The following DPP10 variants were observed in gnomAD, a reference collection of about 807,000 sequenced individuals.
DPP10 encodes dipeptidyl peptidase like 10.
Under a neutral mutation model 120.9 loss-of-function variants are expected in DPP10, and 33 were observed. The ratio of observed to expected loss-of-function variants is 0.27; its 90% CI spans 0.21 to 0.37. DPP10 has a LOEUF of 0.37. Ranked by LOEUF, DPP10 falls within the 10% of genes least tolerant of loss-of-function variation. The pLI, the probability that DPP10 is intolerant of heterozygous loss-of-function variation, is 1.00. For synonymous variants in DPP10, 337 were observed against 326.1 expected (o/e 1.03, Z -0.36); for missense variants, 816 against 942.8 (o/e 0.87, Z 1.76).
intron 1 of DPP10, among the ~76,000 whole-genome samples, chr2:115,021,550 C>T (rs757134325): frequency 6.6e-6 from 1 of 151,942 alleles, no homozygotes; most frequent in Non-Finnish European, 1.5e-5. Flanking sequence ...CTGTATGTGA[C>T]CAGATGGATT....
chr2:115,663,453 T>C (rs2089177416), intron 5 of DPP10, among the ~76,000 whole-genome samples: 1 of 152,184 alleles, frequency 6.6e-6, no homozygotes, highest in African/African-American at 2.4e-5. Flanking sequence ...CTTTTTTCTG[T>C]CAAGGAAGAC....
At chr2:115,655,338 T>C (rs1220507669) in intron 5 of DPP10, among the ~76,000 whole-genome samples, 1 of 151,746 alleles carries the variant, frequency 6.6e-6, no homozygotes, top group Non-Finnish European at 1.5e-5. Flanking sequence ...ATTGCTTTGA[T>C]GCTGTATGTC....
At chr2:114,987,804 C>CTTTTTTTTTTTTT (rs59203543) in intron 1 of DPP10, among the ~76,000 whole-genome samples, 2,109 of 100,962 alleles carry the variant, frequency 0.021, 405 homozygotes, top group African/African-American at 0.068. Flanking sequence ...TGGAGACTGT[C>CTTTTTTTTTTTTT]TTTTTTTTTT....
intron 1 of DPP10, among the ~76,000 whole-genome samples, chr2:115,187,736 T>C (rs1309684586): frequency 1.3e-5 from 2 of 152,080 alleles, no homozygotes; most frequent in Non-Finnish European, 2.9e-5. Flanking sequence ...GTGTGGTGGC[T>C]CTCGCCTGTC....
chr2:115,760,775 T>C (rs750003299), intron 11 of DPP10, among the ~76,000 whole-genome samples: 60 of 152,186 alleles, frequency 3.9e-4, no homozygotes, highest in Non-Finnish European at 6.9e-4. Flanking sequence ...GGATGGTTTT[T>C]ATTCGGCTGA....
chr2:115,531,075 C>G (rs922657301), intron 5 of DPP10, among the ~76,000 whole-genome samples: 1 of 151,918 alleles, frequency 6.6e-6, no homozygotes, highest in Non-Finnish European at 1.5e-5. Context: ...TAACACACAA[C>G]AGTAGTTGGT....
intron 17 of DPP10, among the ~76,000 whole-genome samples, chr2:115,788,047 T>C (rs979207728): frequency 1.6e-4 from 24 of 152,088 alleles, no homozygotes; most frequent in African/African-American, 5.8e-4. Flanking sequence ...ATAAAAGAAG[T>C]GAGAACGTTC....
intron 3 of DPP10, among the ~76,000 whole-genome samples, chr2:115,417,980 CAATATGTGTG>C (rs1250583891): frequency 1.3e-5 from 2 of 152,048 alleles, no homozygotes; most frequent in African/African-American, 4.8e-5. Context: ...TTGTCTTCCC[CAATATGTGTG>C]AGTTGGCTTT....
intron 13 of DPP10, among the ~76,000 whole-genome samples, chr2:115,773,598 A>G (rs895635412): frequency 6.6e-6 from 1 of 152,112 alleles, no homozygotes; most frequent in African/African-American, 2.4e-5. Context: ...TTTCTATTCT[A>G]CCAAGTTAAT....
intron 1 of DPP10, chr2:114,461,560 C>T (rs1317258969): frequency 1.0e-6 from 1 of 983,386 alleles, no homozygotes; most frequent in Non-Finnish European, 1.2e-6. Context: ...TTTTCTAAGA[C>T]CAGCCTCCTC....
chr2:115,571,766 A>T (rs1211492854), intron 5 of DPP10, among the ~76,000 whole-genome samples: 1 of 151,982 alleles, frequency 6.6e-6, no homozygotes, highest in Non-Finnish European at 1.5e-5. Context: ...AAAAATATTA[A>T]AAGAACAAAA....
intron 19 of DPP10, among the ~76,000 whole-genome samples, chr2:115,807,348 G>T (rs1164493132): frequency 2.0e-5 from 3 of 152,106 alleles, no homozygotes; most frequent in Non-Finnish European, 4.4e-5. Context: ...TTTATCCTGA[G>T]GTTAATTTTG....
At chr2:115,197,223 C>T (rs1402879380) in intron 1 of DPP10, among the ~76,000 whole-genome samples, 1 of 152,024 alleles carries the variant, frequency 6.6e-6, no homozygotes, top group East Asian at 1.9e-4. Flanking sequence ...GAAACCCCAT[C>T]TCTACTAAAA....
chr2:115,798,939 G>T (rs151177365), intron 19 of DPP10, among the ~76,000 whole-genome samples: 285 of 151,940 alleles, frequency 1.9e-3, no homozygotes, highest in African/African-American at 6.7e-3. Context: ...CACTATCTGA[G>T]TCCATGTCTT....
intron 3 of DPP10, among the ~76,000 whole-genome samples, chr2:115,383,725 T>G (rs1251432041): frequency 6.6e-6 from 1 of 152,152 alleles, no homozygotes; most frequent in African/African-American, 2.4e-5. Flanking sequence ...CTTATGCATT[T>G]AAATATATTT....
chr2:115,651,910 A>G (rs958687263), intron 5 of DPP10, among the ~76,000 whole-genome samples: 2 of 152,072 alleles, frequency 1.3e-5, no homozygotes. Flanking sequence ...TGTTAACTAT[A>G]AAATATAATG....
At chr2:115,395,123 T>C (rs966017508) in intron 3 of DPP10, among the ~76,000 whole-genome samples, 1 of 152,202 alleles carries the variant, frequency 6.6e-6, no homozygotes, top group African/African-American at 2.4e-5. Flanking sequence ...GAATGAAATG[T>C]ATTTTCTCAT....
At chr2:115,518,804 G>C (rs1403842367) in intron 4 of DPP10, among the ~76,000 whole-genome samples, 1 of 152,074 alleles carries the variant, frequency 6.6e-6, no homozygotes, top group Non-Finnish European at 1.5e-5. Flanking sequence ...TAAGGCCATG[G>C]TGAGGAAAAC....
At chr2:114,740,835 T>C (rs1441634415) in intron 1 of DPP10, among the ~76,000 whole-genome samples, 1 of 152,170 alleles carries the variant, frequency 6.6e-6, no homozygotes, top group African/African-American at 2.4e-5. Flanking sequence ...AAATTTGGGG[T>C]CCATTTTCTT....
Sources: allele counts gnomAD v4.1 joint callset (sites outside exome capture counted in the v4.1 genomes callset), GRCh38; gene constraint gnomAD v4.1.1; transcripts MANE v1.5; gene names NCBI Gene and HGNC (gene_info 2026-07-23, HGNC 2026-07-21).